ITGBL1: variants seen among roughly 807,000 people sequenced by gnomAD.
The protein encoded by ITGBL1 is integrin subunit beta like 1, also known as integrin beta-like protein 1.
ITGBL1 carries 51 observed loss-of-function variants against 68.5 expected under a neutral mutation model. That is an observed-to-expected ratio of 0.74 (90% CI 0.59 to 0.94). The LOEUF (loss-of-function observed/expected upper bound fraction) is 0.94. ITGBL1 is among the 40% of genes least tolerant of loss of function. The pLI is 0.00. For missense variants in ITGBL1, 649 were observed against 647.4 expected, an observed-to-expected ratio of 1.00 and a Z score of -0.03; for synonymous variants, 209 against 227.3, an observed-to-expected ratio of 0.92 and a Z score of 0.72.
intron 7 of ITGBL1, among the ~76,000 whole-genome samples, chr13:101,657,763 C>T (rs1452008410): frequency 6.6e-6 from 1 of 152,170 alleles, no homozygotes; most frequent in East Asian, 1.9e-4. Context: ...GAATGCTGCA[C>T]ATGTGGATGA....
At chr13:101,581,324 A>T in intron 5 of ITGBL1, among the ~76,000 whole-genome samples, 1 of 152,130 alleles carries the variant, frequency 6.6e-6, no homozygotes. Context: ...CTATTATGAG[A>T]GCAATGCATA....
intron 2 of ITGBL1, among the ~76,000 whole-genome samples, chr13:101,476,356 G>A (rs543528029): frequency 6.6e-5 from 10 of 151,972 alleles, no homozygotes; most frequent in African/African-American, 2.4e-4. Context: ...GTTTAAAAAT[G>A]AAATTAAAAC....
In ITGBL1 at chr13:101,579,389, G is replaced by T. The variant is rs1401711808; in HGVS notation, c.689G>T (p.Arg230Ile). The change falls in exon 5 of 11, where the codon AGA becomes ATA. Residue 230 changes from arginine to isoleucine, a missense_variant. Arg to Ile is a moderately conservative substitution (Grantham distance 97, BLOSUM62 -3). Transcript: ENST00000376180. ...CDITPWESKR[R>I]CTSPDGKICS... The stretch of plus-strand genomic sequence containing the variant: ...ATCACCCCCTGGGAAAGCAAGCGAA[G>T]ATGCACGTCTCCAGATGGCAAAATC... 1.7e-5 allele frequency: 28 copies of T among 1,613,670 alleles called. No individual in the cohort carries two copies. Among genetic ancestry groups the T allele is most frequent in the Non-Finnish European group, 2.4e-5 (28 of 1,179,874 alleles).
intron 3 of ITGBL1, among the ~76,000 whole-genome samples, chr13:101,572,767 G>A (rs1032896277): frequency 1.1e-4 from 17 of 151,958 alleles, no homozygotes; most frequent in Non-Finnish European, 2.1e-4. Context: ...CTGCCTATGG[G>A]GGACTTCAGT....
intron 7 of ITGBL1, among the ~76,000 whole-genome samples, chr13:101,605,191 C>G (rs1161399400): frequency 5.5e-5 from 3 of 54,414 alleles, no homozygotes; most frequent in African/African-American, 2.1e-4. Context: ...TAGACATAGG[C>G]ATGTGTGTAT....
chr13:101,474,186 T>C (rs1184135538), intron 2 of ITGBL1, among the ~76,000 whole-genome samples: 1 of 152,102 alleles, frequency 6.6e-6, no homozygotes, highest in East Asian at 1.9e-4. Flanking sequence ...CTGGATGGCA[T>C]TTCTGGACCC....
intron 7 of ITGBL1, among the ~76,000 whole-genome samples, chr13:101,661,477 C>G (rs1281284964): frequency 1.3e-5 from 2 of 152,164 alleles, no homozygotes; most frequent in Non-Finnish European, 2.9e-5. Flanking sequence ...ACCCACAGAG[C>G]TCCTTTCATG....
At chr13:101,657,022 T>C (rs1190837405) in intron 7 of ITGBL1, among the ~76,000 whole-genome samples, 1 of 152,032 alleles carries the variant, frequency 6.6e-6, no homozygotes, top group East Asian at 1.9e-4. Flanking sequence ...TAGTTACATA[T>C]GTATACATGT....
intron 6 of ITGBL1, among the ~76,000 whole-genome samples, chr13:101,587,557 C>T (rs1361684764): frequency 6.6e-6 from 1 of 152,190 alleles, no homozygotes; most frequent in Non-Finnish European, 1.5e-5. Flanking sequence ...GGCCGCTTAC[C>T]ACTCAGGTCT....
chr13:101,475,774 T>A (rs2048527538), intron 2 of ITGBL1, among the ~76,000 whole-genome samples: 1 of 140,902 alleles, frequency 7.1e-6, no homozygotes, highest in Non-Finnish European at 1.5e-5. Context: ...TGGTGCAACA[T>A]ATTTAAAATG....
Position 101,689,211 on chromosome 13 carries a change from TAAAAAA to T in ITGBL1, c.1016-3357_1016-3352del, listed in dbSNP as rs34627046. The stretch of plus-strand genomic sequence containing the variant: ...CCTGGGGACAGAGCAAGACTCTGCC[TAAAAAA>T]AAAAAAAAAAAAAAAATTATGAGGA... On this transcript the variant is annotated intron_variant, in intron 7 of 10. Transcript: ENST00000376180. Among the ~76,000 whole-genome samples the T allele has an allele frequency of 3.5e-4, 26 of 74,848 alleles. 2 individuals are homozygous for T. Among genetic ancestry groups the T allele is most frequent in the South Asian group, 1.8e-3 (2 of 1,102 alleles). The allele number at this position is 74,848 out of a possible 152,430, so 49.1% of individuals were successfully genotyped here. A position where few individuals can be genotyped will look rare whatever the true frequency, so the allele number is the denominator to read the frequency against.
At chr13:101,519,702 A>G (rs185332699) in intron 2 of ITGBL1, among the ~76,000 whole-genome samples, 1 of 152,324 alleles carries the variant, frequency 6.6e-6, no homozygotes, top group African/African-American at 2.4e-5. Flanking sequence ...GACTAATGAG[A>G]CAATAACAGA....
intron 7 of ITGBL1, among the ~76,000 whole-genome samples, chr13:101,670,980 G>A (rs1411440365): frequency 3.9e-5 from 6 of 152,162 alleles, no homozygotes; most frequent in South Asian, 2.1e-4. Context: ...AGAAATAACC[G>A]AATTTCTTCA....
chr13:101,648,214 GACA>G (rs2032627941), intron 7 of ITGBL1, among the ~76,000 whole-genome samples: 1 of 152,046 alleles, frequency 6.6e-6, no homozygotes, highest in Admixed American at 6.6e-5. Context: ...CAAATAAGCA[GACA>G]ACAACAAACT....
intron 7 of ITGBL1, among the ~76,000 whole-genome samples, chr13:101,614,746 A>G (rs1162297779): frequency 6.6e-6 from 1 of 152,134 alleles, no homozygotes; most frequent in Non-Finnish European, 1.5e-5. Context: ...CAGTAAAACC[A>G]TTGCATGTTG....
intron 2 of ITGBL1, among the ~76,000 whole-genome samples, chr13:101,523,698 C>T (rs1014463062): frequency 3.3e-5 from 5 of 150,412 alleles, no homozygotes; most frequent in South Asian, 2.1e-4. Flanking sequence ...GACAACACTT[C>T]GAACTTCAAA....
chr13:101,674,673 C>A (rs1169456912), intron 7 of ITGBL1, among the ~76,000 whole-genome samples: 1 of 151,916 alleles, frequency 6.6e-6, no homozygotes, highest in Non-Finnish European at 1.5e-5. Flanking sequence ...TATTCCTTGA[C>A]TAAATCTACT....
At chr13:101,614,719 A>G (rs1319713512) in intron 7 of ITGBL1, among the ~76,000 whole-genome samples, 1 of 152,116 alleles carries the variant, frequency 6.6e-6, no homozygotes, top group Non-Finnish European at 1.5e-5. Flanking sequence ...GGGAGCAATG[A>G]GCCAAGGCGA....
intron 9 of ITGBL1, among the ~76,000 whole-genome samples, chr13:101,710,110 C>A (rs185402484): frequency 6.6e-6 from 1 of 152,058 alleles, no homozygotes; most frequent in Non-Finnish European, 1.5e-5. Context: ...TGGGAGGTGG[C>A]GATATATTCA....
Sources: gnomAD v4.1 joint callset for allele counts (sites outside exome capture counted in the v4.1 genomes callset) on GRCh38, gnomAD v4.1.1 for gene constraint, MANE v1.5 for transcripts, NCBI Gene and HGNC (gene_info 2026-07-23, HGNC 2026-07-21) for gene names.